ESRRG: variants seen among roughly 807,000 people sequenced by gnomAD.
The protein encoded by ESRRG is estrogen related receptor gamma.
ESRRG carries 13 observed loss-of-function variants against 44.0 expected under a neutral mutation model. The ratio of observed to expected loss-of-function variants is 0.30; its 90% confidence interval spans 0.19 to 0.47. The LOEUF (loss-of-function observed/expected upper bound fraction) is 0.47, where lower values mean the gene tolerates loss of function less well. ESRRG is among the 20% of genes least tolerant of loss of function. The pLI, the probability that ESRRG is intolerant of heterozygous loss-of-function variation, is 1.00. For synonymous variants in ESRRG, 215 were observed against 214.6 expected, an observed-to-expected ratio of 1.00 and a Z score of -0.02; for missense variants, 395 against 580.6, an observed-to-expected ratio of 0.68 and a Z score of 3.29.
At chr1:216,922,846 G>A (rs1050962612) in intron 2 of ESRRG, among the ~76,000 whole-genome samples, 18 of 152,146 alleles carry the variant, frequency 1.2e-4, no homozygotes, top group African/African-American at 4.3e-4. Flanking sequence ...GGCAGCAAGA[G>A]CCATACTGTT....
At chr1:217,100,210 T>C (rs901288784) in intron 1 of ESRRG, among the ~76,000 whole-genome samples, 1 of 152,186 alleles carries the variant, frequency 6.6e-6, no homozygotes, top group East Asian at 1.9e-4. Context: ...AGAAAACCAG[T>C]ATCATTTCTC....
intron 5 of ESRRG, among the ~76,000 whole-genome samples, chr1:216,547,330 A>C (rs1326025271): frequency 6.6e-6 from 1 of 151,992 alleles, no homozygotes; most frequent in Admixed American, 6.6e-5. Flanking sequence ...CAACCTCAAA[A>C]CCTTCCTCAT....
At chr1:217,063,458 C>T (rs951091432) in intron 1 of ESRRG, among the ~76,000 whole-genome samples, 12 of 152,208 alleles carry the variant, frequency 7.9e-5, no homozygotes, top group South Asian at 4.1e-4. Flanking sequence ...TCTCCTCACA[C>T]GTGTTAACAA....
intron 1 of ESRRG, among the ~76,000 whole-genome samples, chr1:217,075,591 C>CCT (rs1393926091): frequency 7.0e-6 from 1 of 142,368 alleles, no homozygotes; most frequent in Non-Finnish European, 1.5e-5. Flanking sequence ...TGCTCCTTTC[C>CCT]CCCCCCCAAC....
chr1:216,948,763 A>G (rs559879897), intron 1 of ESRRG, among the ~76,000 whole-genome samples: 52 of 152,260 alleles, frequency 3.4e-4, no homozygotes, highest in African/African-American at 1.2e-3. Flanking sequence ...AGCTCTTTGC[A>G]TAAGGTTTTT....
intron 1 of ESRRG, among the ~76,000 whole-genome samples, chr1:217,086,165 G>A (rs551868172): frequency 1.1e-4 from 17 of 152,208 alleles, no homozygotes; most frequent in African/African-American, 2.4e-4. Context: ...TATCATACCC[G>A]TGGTTCAATT....
At chr1:216,933,389 C>T (rs940917129) in intron 2 of ESRRG, among the ~76,000 whole-genome samples, 1 of 152,002 alleles carries the variant, frequency 6.6e-6, no homozygotes, top group Non-Finnish European at 1.5e-5. Flanking sequence ...CACCTCTATT[C>T]CCACCCCATG....
intron 2 of ESRRG, among the ~76,000 whole-genome samples, chr1:216,879,856 A>C (rs1193208441): frequency 6.6e-6 from 1 of 152,178 alleles, no homozygotes; most frequent in Non-Finnish European, 1.5e-5. Flanking sequence ...AACTGGCAAA[A>C]TATCTTGGTG....
chr1:216,996,274 AT>A (rs1247676323), intron 1 of ESRRG, among the ~76,000 whole-genome samples: 5 of 152,124 alleles, frequency 3.3e-5, no homozygotes, highest in Non-Finnish European at 7.4e-5. Flanking sequence ...GATATGTTAC[AT>A]TTTAAAAGGA....
At chr1:216,913,665 G>T (rs11582841) in intron 2 of ESRRG, among the ~76,000 whole-genome samples, 46,545 of 152,128 alleles carry the variant, frequency 0.31, 7,108 homozygotes, top group South Asian at 0.36. Flanking sequence ...CTGTTTCCTA[G>T]TTCTAAGATG....
intron 5 of ESRRG, among the ~76,000 whole-genome samples, chr1:216,551,331 C>T (rs1397482885): frequency 1.3e-5 from 2 of 152,002 alleles, no homozygotes; most frequent in Admixed American, 6.6e-5. Context: ...TGTTGAGGAA[C>T]TGAATATTAC....
intron 2 of ESRRG, among the ~76,000 whole-genome samples, chr1:216,665,620 G>A (rs1369692417): frequency 6.6e-6 from 1 of 152,162 alleles, no homozygotes; most frequent in East Asian, 1.9e-4. Flanking sequence ...GTGAGCTATT[G>A]CACAACCATG....
chr1:216,979,264 TCA>T (rs1177730227), intron 1 of ESRRG, among the ~76,000 whole-genome samples: 1 of 152,156 alleles, frequency 6.6e-6, no homozygotes, highest in Non-Finnish European at 1.5e-5. Flanking sequence ...AATGTGTGAT[TCA>T]GGATTGGCTT....
chr1:217,042,463 TACAC>T (rs1189366515), intron 1 of ESRRG, among the ~76,000 whole-genome samples: 1 of 82,698 alleles, frequency 1.2e-5, no homozygotes, highest in African/African-American at 5.0e-5. Flanking sequence ...CACACACACA[TACAC>T]ACACAAACAC....
At chr1:216,928,845 A>G (rs897997556) in intron 2 of ESRRG, among the ~76,000 whole-genome samples, 10 of 152,228 alleles carry the variant, frequency 6.6e-5, no homozygotes, top group Non-Finnish European at 1.5e-4. Flanking sequence ...GAGTGAAATA[A>G]GCCAGATACA....
At chr1:217,073,654 C>G (rs1042378638) in intron 1 of ESRRG, among the ~76,000 whole-genome samples, 1 of 151,990 alleles carries the variant, frequency 6.6e-6, no homozygotes. Context: ...CCCCTGAACC[C>G]TCTGATTCAC....
chr1:216,614,827 T>C (rs1281424594), intron 3 of ESRRG, among the ~76,000 whole-genome samples: 3 of 152,172 alleles, frequency 2.0e-5, no homozygotes, highest in African/African-American at 4.8e-5. Flanking sequence ...AACCAAAGCA[T>C]AAACAGCGAA....
intron 6 of ESRRG, among the ~76,000 whole-genome samples, chr1:216,516,668 C>CACACACACACACACACAG (rs376701865): frequency 0.017 from 2,359 of 137,026 alleles, 42 homozygotes; most frequent in Non-Finnish European, 0.021. Flanking sequence ...CACACACACA[C>CACACACACACACACACAG]AGAGAGAGAG....
intron 1 of ESRRG, among the ~76,000 whole-genome samples, chr1:216,696,099 A>G (rs1361847756): frequency 6.6e-6 from 1 of 152,212 alleles, no homozygotes; most frequent in African/African-American, 2.4e-5. Context: ...ATATGTCCCA[A>G]AAAGATATAT....
Sources: allele counts gnomAD v4.1 joint callset (sites outside exome capture counted in the v4.1 genomes callset), GRCh38; gene constraint gnomAD v4.1.1; transcripts MANE v1.5; gene names NCBI Gene and HGNC (gene_info 2026-07-23, HGNC 2026-07-21).